VAPB: variants seen among roughly 807,000 people sequenced by gnomAD.
The protein encoded by VAPB is VAMP associated protein B and C, also known as vesicle-associated membrane protein-associated protein B/C.
In VAPB, 7 loss-of-function variants were observed where a neutral mutation model predicts 25.6. That is an observed-to-expected ratio of 0.27 (90% confidence interval 0.16 to 0.51). The LOEUF (loss-of-function observed/expected upper bound fraction) is 0.51. VAPB is among the 20% of genes least tolerant of loss of function. The pLI, the probability that VAPB is intolerant of heterozygous loss-of-function variation, is 0.97. For synonymous variants in VAPB, 112 were observed against 109.2 expected, an observed-to-expected ratio of 1.03 and a Z score of -0.16; for missense variants, 266 against 301.3, an observed-to-expected ratio of 0.88 and a Z score of 0.87.
At chr20:58,411,839 C>T (rs952689651) in intron 1 of VAPB, among the ~76,000 whole-genome samples, 6 of 151,936 alleles carry the variant, frequency 3.9e-5, no homozygotes, top group African/African-American at 1.2e-4. Flanking sequence ...CCACCACGCC[C>T]GGCTAATTTT....
chr20:58,390,486 G>A (rs1987767793), intron 1 of VAPB: 1 of 152,038 alleles, frequency 6.6e-6, no homozygotes, highest in Non-Finnish European at 1.5e-5. Flanking sequence ...GGAGGCTCTG[G>A]GGAGGTGATG....
intron 3 of VAPB, among the ~76,000 whole-genome samples, chr20:58,435,298 A>AG (rs1491361963): frequency 1.3e-5 from 2 of 152,066 alleles, no homozygotes; most frequent in East Asian, 1.9e-4. Context: ...AAAAAAAAAA[A>AG]GAGTATAATG....
At chr20:58,440,144 C>A (rs1989129833) in intron 4 of VAPB, 1 of 152,170 alleles carries the variant, frequency 6.6e-6, no homozygotes, top group African/African-American at 2.4e-5. Flanking sequence ...AGTTTGGAAG[C>A]TGTGAAAGCA....
rs544549098 is a variant in VAPB at position 58,447,399 on chromosome 20, C to A, written c.*3164C>A. ...CAGCAGTAATACATACTGATAAAAT[C>A]AAAATTGATTTTTACCAGTGGCCAG... On this transcript the variant is annotated 3_prime_UTR_variant, in exon 6 of 6. Coordinates refer to ENST00000475243, the MANE Select transcript of VAPB (RefSeq NM_004738.5). The A allele has an allele frequency of 2.2e-6, 1 of 454,028 alleles. No individual in the cohort carries two copies. The highest frequency in any genetic ancestry group is 1.6e-5 in the South Asian group (1 of 64,476). The allele number at this position is 454,028 out of a possible 1,614,324, so 28.1% of individuals were successfully genotyped here.
In VAPB at chr20:58,433,709, G is replaced by A. The variant is rs1023254580; in HGVS notation, c.212-893G>A. Reference sequence around the variant, plus strand: ...CTACTTTTTAAGGATTAAATGAGATGATGGTAAACCTAAGGGACAGAGCCC... The same window carrying A: ...CTACTTTTTAAGGATTAAATGAGATAATGGTAAACCTAAGGGACAGAGCCC... On this transcript the variant is annotated intron_variant, in intron 2 of 5. Transcript: ENST00000475243. Among the ~76,000 whole-genome samples, 3 of 152,238 alleles carry A rather than the reference G, an allele frequency of 2.0e-5. No individual in the cohort carries two copies. The South Asian group carries it at 6.2e-4, about 32-fold the overall frequency.
intron 4 of VAPB, 38 bp from the exon 5 acceptor site, chr20:58,440,869 G>T: frequency 1.2e-6 from 2 of 1,601,252 alleles, no homozygotes; most frequent in Non-Finnish European, 1.7e-6. Context: ...ATTATTACAT[G>T]GTCGGTGACA....
intron 2 of VAPB, among the ~76,000 whole-genome samples, chr20:58,420,261 AG>A (rs1300034453): frequency 6.6e-6 from 1 of 152,246 alleles, no homozygotes; most frequent in Non-Finnish European, 1.5e-5. Flanking sequence ...CTGGGATTAC[AG>A]GCGTGAGCCA....
chr20:58,444,319 G>C lies in VAPB; in HGVS notation c.*84G>C. 6.2e-7 allele frequency: 1 copy of C among 1,603,288 alleles called. No homozygotes were observed. The highest frequency in any genetic ancestry group is 8.5e-7 in the Non-Finnish European group (1 of 1,170,830). The stretch of plus-strand genomic sequence containing the variant: ...AATTTATCATAACCATGTGTAAAAA[G>C]AAATTAATGTATGATGACATCTCAC... On this transcript the variant is annotated 3_prime_UTR_variant, in exon 6 of 6. Transcript: ENST00000475243.
rs530416022 is a variant in VAPB, at chr20:58,445,938, G to A, written c.*1703G>A. The A allele has an allele frequency of 2.2e-5, 10 of 454,030 alleles. No individual in the cohort carries two copies. The highest frequency in any genetic ancestry group is 1.6e-4 in the South Asian group (10 of 64,464). The allele number at this position is 454,030 out of a possible 1,614,324, so 28.1% of individuals were successfully genotyped here. A position where few individuals can be genotyped will look rare whatever the true frequency, so the allele number is the denominator to read the frequency against. On this transcript the variant is annotated 3_prime_UTR_variant, in exon 6 of 6. Coordinates refer to ENST00000475243, the MANE Select transcript of VAPB (RefSeq NM_004738.5). ...AGAGGACAAGTTCATCAGAAGGAAG[G>A]CAGTCCTTAGAAGTCACATACGTTG...
chr20:58,405,740 G>GC (rs1407128904), intron 1 of VAPB, among the ~76,000 whole-genome samples: 1 of 73,304 alleles, frequency 1.4e-5, no homozygotes, highest in East Asian at 5.6e-4. Context: ...CTGGCCAGGA[G>GC]CCTTTTTTTT....
Position 58,444,305 on chromosome 20 carries a change from ACC to A in VAPB, c.*71_*72del, listed in dbSNP as rs753420369. 1 of 1,611,702 alleles carries A rather than the reference ACC, an allele frequency of 6.2e-7. No individual in the cohort carries two copies. The highest frequency in any genetic ancestry group is 1.7e-5 in the Admixed American group (1 of 60,026). ...TATCATGGGATTTAAATTTATCATAACCATGTGTAAAAAGAAATTAATGTATG... is the reference window on the plus strand; with the variant it reads ...TATCATGGGATTTAAATTTATCATAAATGTGTAAAAAGAAATTAATGTATG... On this transcript the variant is annotated 3_prime_UTR_variant, in exon 6 of 6. Transcript: ENST00000475243.
intron 1 of VAPB, among the ~76,000 whole-genome samples, chr20:58,413,816 GCGGGGGGC>G: frequency 6.9e-6 from 1 of 144,802 alleles, no homozygotes; most frequent in South Asian, 2.2e-4. Context: ...AGCTGGCCGG[GCGGGGGGC>G]TGACCCCGCC....
At chr20:58,434,102 A>G (rs972053337) in intron 2 of VAPB, among the ~76,000 whole-genome samples, 1 of 152,156 alleles carries the variant, frequency 6.6e-6, no homozygotes, top group Non-Finnish European at 1.5e-5. Context: ...AAAATTTTCT[A>G]GCTTTATGTT....
At chr20:58,395,719 T>G (rs1411505548) in intron 1 of VAPB, among the ~76,000 whole-genome samples, 1 of 152,242 alleles carries the variant, frequency 6.6e-6, no homozygotes, top group African/African-American at 2.4e-5. Context: ...TCTATCATTT[T>G]AGGCCCCTTT....
rs758144876 is a variant in VAPB, at chr20:58,446,638, A to G, written c.*2403A>G. On this transcript the variant is annotated 3_prime_UTR_variant, in exon 6 of 6. Transcript: ENST00000475243. ...GTTCAGCTTCTCAGAGGATGTGGAC[A>G]TTTTGGTTGCAGCTAAAAATCAGTC... The G allele has an allele frequency of 2.2e-6, 1 of 454,132 alleles. No homozygotes were observed. Among genetic ancestry groups the G allele is most frequent in the South Asian group, 1.6e-5 (1 of 64,482 alleles). 28.1% of individuals were successfully genotyped at this position (454,132 alleles called of 1,614,324 possible). A position where few individuals can be genotyped will look rare whatever the true frequency, so the allele number is the denominator to read the frequency against.
rs1271588021 is a variant in VAPB at position 58,448,392 on chromosome 20, G to C, written c.*4157G>C. The stretch of plus-strand genomic sequence containing the variant: ...TAGGAACCTTTTCAAGAAAGTTACT[G>C]TTGTTTCAATGCCACTCCTTACCTG... On this transcript the variant is annotated 3_prime_UTR_variant, in exon 6 of 6. Transcript: ENST00000475243. The C allele has an allele frequency of 2.2e-6, 1 of 454,052 alleles. No homozygotes were observed. The highest frequency in any genetic ancestry group is 2.3e-5 in the Admixed American group (1 of 42,578). 28.1% of individuals were successfully genotyped at this position (454,052 alleles called of 1,614,324 possible). A position where few individuals can be genotyped will look rare whatever the true frequency, so the allele number is the denominator to read the frequency against.
At chr20:58,394,510 C>T (rs753999092) in intron 1 of VAPB, among the ~76,000 whole-genome samples, 6 of 152,216 alleles carry the variant, frequency 3.9e-5, no homozygotes, top group South Asian at 2.1e-4. Flanking sequence ...GAAGATTCTT[C>T]GTGGTAGTGG....
At chr20:58,418,722 A>G (rs1988605415) in intron 2 of VAPB, among the ~76,000 whole-genome samples, 1 of 152,196 alleles carries the variant, frequency 6.6e-6, no homozygotes, top group Non-Finnish European at 1.5e-5. Context: ...GGGCTAAACA[A>G]ACTTAATTTT....
chr20:58,422,536 G>A (rs978826879), intron 2 of VAPB, among the ~76,000 whole-genome samples: 4 of 151,776 alleles, frequency 2.6e-5, no homozygotes, highest in Non-Finnish European at 4.4e-5. Flanking sequence ...TGAACTGTAC[G>A]GTGGGAAAAT....
Sources: allele counts gnomAD v4.1 joint callset (sites outside exome capture counted in the v4.1 genomes callset), GRCh38; gene constraint gnomAD v4.1.1; transcripts MANE v1.5; gene names NCBI Gene and HGNC (gene_info 2026-07-23, HGNC 2026-07-21).